The following PKIB variants were observed in gnomAD, a reference collection of about 807,000 sequenced individuals.
PKIB encodes the protein cAMP-dependent protein kinase inhibitor beta, also known as PKI-beta.
A neutral mutation model predicts 4.5 loss-of-function variants in PKIB; 2 were observed. The observed-to-expected ratio is 0.44, with a 90% confidence interval of 0.18 to 1.39. The LOEUF (loss-of-function observed/expected upper bound fraction) is 1.39, where lower values mean the gene tolerates loss of function less well. Among genes scored for constraint, PKIB ranks in the 40% most tolerant of loss-of-function variants. The pLI, the probability that PKIB is intolerant of heterozygous loss-of-function variation, is 0.27. For missense variants in PKIB, 94 were observed against 92.6 expected (o/e 1.02, Z -0.06); for synonymous variants, 38 against 36.0 (o/e 1.06, Z -0.20).
chr6:122,544,403 A>T (rs1772418733), intron 2 of PKIB, among the ~76,000 whole-genome samples: 1 of 152,022 alleles, frequency 6.6e-6, no homozygotes, highest in African/African-American at 2.4e-5. Flanking sequence ...ATTCTAGCTA[A>T]ATTGTCTGAG....
intron 2 of PKIB, among the ~76,000 whole-genome samples, chr6:122,523,773 A>T (rs1014748935): frequency 1.3e-5 from 2 of 151,028 alleles, no homozygotes; most frequent in African/African-American, 4.9e-5. Flanking sequence ...ACACAGTGAA[A>T]CTCGGTATCA....
At chr6:122,658,321 C>T (rs1582783955) in intron 2 of PKIB, among the ~76,000 whole-genome samples, 1 of 152,020 alleles carries the variant, frequency 6.6e-6, no homozygotes. Context: ...ATGATTTTTA[C>T]TAAGTGATGA....
chr6:122,484,377 A>G (rs1379499957), intron 2 of PKIB, among the ~76,000 whole-genome samples: 4 of 152,226 alleles, frequency 2.6e-5, no homozygotes, highest in Admixed American at 2.0e-4. Flanking sequence ...TTTGCCTTAG[A>G]AATCAGAGGC....
At chr6:122,539,874 A>C (rs1259206338) in intron 2 of PKIB, among the ~76,000 whole-genome samples, 1 of 152,100 alleles carries the variant, frequency 6.6e-6, no homozygotes, top group Non-Finnish European at 1.5e-5. Flanking sequence ...TTATTGGTCT[A>C]TTCAGAGATT....
chr6:122,575,565 C>A lies in PKIB; in HGVS notation c.-247-10356C>A, dbSNP rs1437736852. 2.0e-5 allele frequency among the ~76,000 whole-genome samples: 3 copies of A among 152,086 alleles called. No individual in the cohort carries two copies. In the East Asian group the frequency reaches 5.8e-4, roughly 29 times the overall value. ...GATAAAGAAAATGTGATATATATACCCCATGGAATACTACTCAGCCATAAA... is the reference window on the plus strand; with the variant it reads ...GATAAAGAAAATGTGATATATATACACCATGGAATACTACTCAGCCATAAA... On this transcript the variant is annotated intron_variant, in intron 2 of 6. Coordinates refer to the PKIB transcript ENST00000392491.
At chr6:122,673,782 C>G (rs182449506) in intron 2 of PKIB, among the ~76,000 whole-genome samples, 1 of 152,284 alleles carries the variant, frequency 6.6e-6, no homozygotes, top group East Asian at 1.9e-4. Context: ...AGTCCATGCC[C>G]TCAAAAGGCT....
At chr6:122,542,187 A>G (rs577107093) in intron 2 of PKIB, among the ~76,000 whole-genome samples, 49 of 152,000 alleles carry the variant, frequency 3.2e-4, no homozygotes, top group Non-Finnish European at 4.1e-4. Flanking sequence ...TCAACTCGTC[A>G]AAGTCATTGT....
chr6:122,661,724 G>A (rs1392743127), intron 2 of PKIB, among the ~76,000 whole-genome samples: 2 of 152,096 alleles, frequency 1.3e-5, no homozygotes, highest in Non-Finnish European at 2.9e-5. Context: ...GGAGTGGAAT[G>A]GCTGGATCAT....
chr6:122,557,755 G>C (rs1229126717), intron 2 of PKIB, among the ~76,000 whole-genome samples: 1 of 152,158 alleles, frequency 6.6e-6, no homozygotes, highest in African/African-American at 2.4e-5. Context: ...TAGATGTGCT[G>C]TCCTCAGATT....
At chr6:122,520,005 C>T (rs1341046009) in intron 2 of PKIB, among the ~76,000 whole-genome samples, 8 of 152,108 alleles carry the variant, frequency 5.3e-5, no homozygotes, top group African/African-American at 1.9e-4. Flanking sequence ...CTCTAGGGTG[C>T]CATTCATTAT....
chr6:122,535,725 C>G (rs575473421), intron 2 of PKIB, among the ~76,000 whole-genome samples: 1 of 152,214 alleles, frequency 6.6e-6, no homozygotes, highest in South Asian at 2.1e-4. Context: ...TAGCTCTACC[C>G]CTTGTTAGTA....
intron 2 of PKIB, among the ~76,000 whole-genome samples, chr6:122,524,079 G>A (rs1777025304): frequency 1.3e-5 from 2 of 151,972 alleles, no homozygotes; most frequent in African/African-American, 2.4e-5. Flanking sequence ...CAGGGATATT[G>A]ATCTATAGAT....
At chr6:122,566,703 A>G in intron 2 of PKIB, among the ~76,000 whole-genome samples, 1 of 151,218 alleles carries the variant, frequency 6.6e-6, no homozygotes, top group East Asian at 1.9e-4. Context: ...ACATCTTCTC[A>G]TATAGCAATA....
At chr6:122,715,230 G>A (rs969832692) in intron 3 of PKIB, among the ~76,000 whole-genome samples, 2 of 151,492 alleles carry the variant, frequency 1.3e-5, no homozygotes, top group African/African-American at 4.9e-5. Flanking sequence ...AAATATTTAA[G>A]ATCGCATATC....
Position 122,722,076 on chromosome 6 carries a change from CAT to C in PKIB, c.170-3049_170-3048del, listed in dbSNP as rs1582848424. On this transcript the variant is annotated intron_variant, in intron 4 of 4. Transcript: ENST00000368452. ...ATTCGATTACATTGAAAGCACTTGA[CAT>C]ATGCAGAAGGTTGAAGAATAACAGC... 2.0e-5 allele frequency among the ~76,000 whole-genome samples: 3 copies of C among 152,222 alleles called. No individual in the cohort carries two copies. In the South Asian group the frequency reaches 6.2e-4, roughly 32 times the overall value.
chr6:122,570,357 G>A (rs944541962), intron 2 of PKIB, among the ~76,000 whole-genome samples: 1 of 152,084 alleles, frequency 6.6e-6, no homozygotes, highest in Non-Finnish European at 1.5e-5. Flanking sequence ...CCCACCATTG[G>A]GTATTACATC....
chr6:122,661,508 G>C (rs1776990500), intron 2 of PKIB, among the ~76,000 whole-genome samples: 1 of 152,176 alleles, frequency 6.6e-6, no homozygotes, highest in South Asian at 2.1e-4. Context: ...CATCAATGTT[G>C]TGGCATGTAT....
intron 2 of PKIB, among the ~76,000 whole-genome samples, chr6:122,562,004 G>GTTTTTTTTTTTTTTTTTTTTTT (rs758656278): frequency 5.3e-4 from 42 of 79,500 alleles, no homozygotes; most frequent in African/African-American, 6.6e-4. Flanking sequence ...GTTTTTTTTT[G>GTTTTTTTTTTTTTTTTTTTTTT]TTTTTTTTTT....
chr6:122,689,606 A>G (rs1407979735), intron 3 of PKIB, among the ~76,000 whole-genome samples: 2 of 152,148 alleles, frequency 1.3e-5, no homozygotes, highest in African/African-American at 4.8e-5. Context: ...ATTCCATGGT[A>G]GTCAGAGAAG....
Sources: allele counts gnomAD v4.1 joint callset (sites outside exome capture counted in the v4.1 genomes callset), GRCh38; gene constraint gnomAD v4.1.1; transcripts MANE v1.5; gene names NCBI Gene and HGNC (gene_info 2026-07-23, HGNC 2026-07-21).